TIAM2: variants seen among roughly 807,000 people sequenced by gnomAD.
TIAM2 encodes the protein rho guanine nucleotide exchange factor TIAM2.
TIAM2 carries 80 observed loss-of-function variants against 152.9 expected under a neutral mutation model. The observed-to-expected ratio is 0.52, with a 90% CI of 0.44 to 0.63. The LOEUF is 0.63. Among genes scored for constraint, TIAM2 ranks in the 30% least tolerant of loss-of-function variants. The pLI is 0.00. For missense variants in TIAM2, 1,965 were observed against 2,120.1 expected (o/e 0.93, Z 1.44); for synonymous variants, 804 against 838.0 (o/e 0.96, Z 0.70).
chr6:155,131,222 T>C (rs1779437711), intron 4 of TIAM2, among the ~76,000 whole-genome samples: 1 of 152,012 alleles, frequency 6.6e-6, no homozygotes, highest in South Asian at 2.1e-4. Flanking sequence ...TAGCCTGGCG[T>C]GGTGGCGGGT....
rs1251024172 is a variant in TIAM2 at position 154,995,659 on chromosome 6, G to A, written c.-209+167G>A. Among the ~76,000 whole-genome samples the A allele has an allele frequency of 6.6e-6, 1 of 152,046 alleles. No individual in the cohort carries two copies. The highest frequency in any genetic ancestry group is 1.9e-4 in the East Asian group (1 of 5,160). ...TTTCCTGGGAGTCCCGCGGAAGGTC[G>A]CGGCTGCGGGGCGCGGCCTGGCACC... On this transcript the variant is annotated intron_variant, in intron 1 of 26. Coordinates refer to ENST00000682666, the MANE Select transcript of TIAM2 (RefSeq NM_012454.4). The surrounding 1 kb of genome is among the most constrained non-coding windows in gnomAD (Gnocchi z 5.2).
chr6:155,159,155 A>G (rs1382468293), intron 7 of TIAM2, among the ~76,000 whole-genome samples: 1 of 152,144 alleles, frequency 6.6e-6, no homozygotes, highest in Admixed American at 6.5e-5. Context: ...AGTTAACATT[A>G]CTTTAAATTT....
rs754259296 is a variant in TIAM2, at chr6:155,144,595, C to G, written c.1631-11C>G. 1.1e-5 allele frequency: 16 copies of G among 1,501,452 alleles called. No homozygotes were observed. In the East Asian group the frequency reaches 3.1e-4, roughly 30 times the overall value. The allele number at this position is 1,501,452 out of a possible 1,614,324, so 93.0% of individuals were successfully genotyped here. A position where few individuals can be genotyped will look rare whatever the true frequency, so the allele number is the denominator to read the frequency against. On this transcript the variant is annotated splice_polypyrimidine_tract_variant and intron_variant, in intron 5 of 26. Transcript: ENST00000682666. ...CTGACCGGGATGTTATTTTGCTTCTCTGTTTCACAGGATGCACGCTGCTGT... is the reference window on the plus strand; with the variant it reads ...CTGACCGGGATGTTATTTTGCTTCTGTGTTTCACAGGATGCACGCTGCTGT...
intron 7 of TIAM2, among the ~76,000 whole-genome samples, chr6:155,157,999 T>C (rs1780168270): frequency 6.6e-6 from 1 of 152,200 alleles, no homozygotes; most frequent in Admixed American, 6.5e-5. Context: ...TAAATACTGT[T>C]AAACTTGAGT....
rs149833630 is a variant in TIAM2, at chr6:155,011,287, G to A, written c.-209+15795G>A. ...TGGTTAGGAGACCTTTTGGACAGGC[G>A]ATCATTTAATCTGTGCTTATCTTTT... On this transcript the variant is annotated intron_variant, in intron 1 of 26. Transcript: ENST00000682666. Among the ~76,000 whole-genome samples the A allele has an allele frequency of 2.1e-3, 317 of 152,178 alleles. 1 individual carries two copies. The highest frequency in any genetic ancestry group is 2.6e-3 in the Non-Finnish European group (176 of 68,002).
intron 10 of TIAM2, 93 bp downstream of exon 10, chr6:155,177,070 GC>G: frequency 7.7e-7 from 1 of 1,305,276 alleles, no homozygotes; most frequent in Non-Finnish European, 1.0e-6. Context: ...ATATTCAAGG[GC>G]CCAGTTTCCA....
intron 2 of TIAM2, among the ~76,000 whole-genome samples, chr6:155,117,995 G>A: frequency 6.6e-6 from 1 of 152,136 alleles, no homozygotes; most frequent in Non-Finnish European, 1.5e-5. Context: ...TTCTTCCTGG[G>A]CCAACACTGC....
chr6:155,031,718 C>G lies in TIAM2; in HGVS notation c.-209+36226C>G, dbSNP rs142886410. Among the ~76,000 whole-genome samples, 196 of 152,196 alleles carry G rather than the reference C, an allele frequency of 1.3e-3. 4 individuals are homozygous for G. The highest frequency in any genetic ancestry group is 4.5e-3 in the African/African-American group (187 of 41,530). Reference sequence around the variant, plus strand: ...CAGCCTGGGCACAGAGTGTGTGTCTCTGGCCTTTTAAGACTAAACAAATTG... The same window carrying G: ...CAGCCTGGGCACAGAGTGTGTGTCTGTGGCCTTTTAAGACTAAACAAATTG... On this transcript the variant is annotated intron_variant, in intron 1 of 26. Transcript: ENST00000682666.
At chr6:155,173,898 T>A (rs987160188) in intron 9 of TIAM2, among the ~76,000 whole-genome samples, 2 of 152,082 alleles carry the variant, frequency 1.3e-5, no homozygotes, top group African/African-American at 2.4e-5. Flanking sequence ...TAAACCAGGT[T>A]GGAGGGTATA....
chr6:155,242,761 A>T (rs1476993401), intron 16 of TIAM2, among the ~76,000 whole-genome samples: 1 of 152,068 alleles, frequency 6.6e-6, no homozygotes, highest in African/African-American at 2.4e-5. Context: ...TTGGAGATGG[A>T]GTCTCGCTCT....
chr6:155,250,569 T>C, intron 21 of TIAM2: 1 of 1,536,026 alleles, frequency 6.5e-7, no homozygotes. Context: ...GTGATGGATG[T>C]ACTAGATCCC....
chr6:155,165,606 C>A (rs1780410170), intron 9 of TIAM2, among the ~76,000 whole-genome samples, 197 bp downstream of exon 9: 4 of 152,150 alleles, frequency 2.6e-5, no homozygotes, highest in South Asian at 2.1e-4. Flanking sequence ...TCAAGACCAG[C>A]CTGGGCAACA....
intron 2 of TIAM2, among the ~76,000 whole-genome samples, chr6:155,114,473 C>G (rs1319249910): frequency 6.6e-6 from 1 of 152,012 alleles, no homozygotes; most frequent in Non-Finnish European, 1.5e-5. Context: ...CCTCTGCTCT[C>G]CCTTTGTCTT....
chr6:155,002,849 T>G (rs1778335349), intron 1 of TIAM2, among the ~76,000 whole-genome samples: 1 of 142,046 alleles, frequency 7.0e-6, no homozygotes, highest in African/African-American at 2.7e-5. Context: ...TCCAGCTAAG[T>G]TTTGTGTGTG....
intron 2 of TIAM2, among the ~76,000 whole-genome samples, chr6:155,123,404 T>C (rs535147203): frequency 1.8e-4 from 28 of 152,176 alleles, no homozygotes; most frequent in Non-Finnish European, 3.7e-4. Flanking sequence ...GCATCAACTG[T>C]GTAGCACATG....
chr6:155,106,330 G>A (rs112381701), intron 2 of TIAM2, among the ~76,000 whole-genome samples: 2 of 151,980 alleles, frequency 1.3e-5, no homozygotes, highest in African/African-American at 4.8e-5. Flanking sequence ...TAAAATGTAA[G>A]GTCTTTCATC....
intron 17 of TIAM2, 40 bp downstream of exon 17, chr6:155,244,119 G>A: frequency 6.4e-7 from 1 of 1,572,810 alleles, no homozygotes; most frequent in Non-Finnish European, 8.7e-7. Context: ...TGATCCACAG[G>A]TTAGTCTCTG....
At chr6:155,001,138 C>T (rs556078784) in intron 1 of TIAM2, among the ~76,000 whole-genome samples, 9 of 152,098 alleles carry the variant, frequency 5.9e-5, no homozygotes, top group African/African-American at 2.2e-4. Flanking sequence ...AAGAAGATTC[C>T]AGAAATATAA....
At chr6:155,083,366 AAAGAGAG>A (rs1263687222) in intron 1 of TIAM2, among the ~76,000 whole-genome samples, 45 of 150,036 alleles carry the variant, frequency 3.0e-4, no homozygotes, top group African/African-American at 1.1e-3. Flanking sequence ...AAAAAAAAAA[AAAGAGAG>A]AGAGAGAGAG....
Sources: allele counts gnomAD v4.1 joint callset (sites outside exome capture counted in the v4.1 genomes callset), GRCh38; gene constraint gnomAD v4.1.1; non-coding constraint Gnocchi (gnomAD v3.1); transcripts MANE v1.5; gene names NCBI Gene and HGNC (gene_info 2026-07-23, HGNC 2026-07-21).